The following CHCHD3 variants were observed in gnomAD, a reference collection of about 807,000 sequenced individuals.
The protein encoded by CHCHD3 is MICOS complex subunit MIC19.
A neutral mutation model predicts 38.2 loss-of-function variants in CHCHD3; 20 were observed. The ratio of observed to expected loss-of-function variants is 0.52; its 90% CI spans 0.37 to 0.76. CHCHD3 has a LOEUF of 0.76. Ranked by LOEUF, CHCHD3 falls within the 30% of genes least tolerant of loss-of-function variation. The pLI is 0.00. For missense variants in CHCHD3, 245 were observed against 279.2 expected (o/e 0.88, Z 0.87); for synonymous variants, 82 against 100.0 (o/e 0.82, Z 1.07).
chr7:132,978,984 A>AT (rs1484458729), intron 3 of CHCHD3, among the ~76,000 whole-genome samples: 1 of 152,174 alleles, frequency 6.6e-6, no homozygotes, highest in Non-Finnish European at 1.5e-5. Flanking sequence ...AAGAAACCAA[A>AT]TTTTTTGTCA....
intron 5 of CHCHD3, among the ~76,000 whole-genome samples, chr7:132,866,880 G>A (rs1474805998): frequency 1.3e-5 from 2 of 152,162 alleles, no homozygotes; most frequent in East Asian, 1.9e-4. Flanking sequence ...TTTAGGTAAC[G>A]AGTGTTCAAC....
At chr7:132,961,052 G>A (rs544255472) in intron 4 of CHCHD3, among the ~76,000 whole-genome samples, 1 of 152,224 alleles carries the variant, frequency 6.6e-6, no homozygotes, top group Admixed American at 6.5e-5. Context: ...GCCTAGAAAG[G>A]AGGCTCGATT....
At chr7:132,813,525 T>C (rs1324309820) in intron 6 of CHCHD3, 1 of 152,194 alleles carries the variant, frequency 6.6e-6, no homozygotes, top group East Asian at 1.9e-4. Context: ...TAAGATAACG[T>C]TTAAGCTCTC....
intron 5 of CHCHD3, among the ~76,000 whole-genome samples, chr7:132,840,626 T>A (rs146730751): frequency 0.01 from 1,573 of 152,232 alleles, 35 homozygotes; most frequent in African/African-American, 0.036. Context: ...AGAAATCAAA[T>A]AAGATAGGCA....
chr7:133,045,044 C>G (rs989822462), intron 2 of CHCHD3, among the ~76,000 whole-genome samples: 1 of 152,168 alleles, frequency 6.6e-6, no homozygotes, highest in Admixed American at 6.6e-5. Flanking sequence ...TAAAGCTTTT[C>G]CTGTCAACAG....
At chr7:132,814,880 T>C (rs1310908326) in intron 6 of CHCHD3, among the ~76,000 whole-genome samples, 1 of 152,176 alleles carries the variant, frequency 6.6e-6, no homozygotes, top group African/African-American at 2.4e-5. Context: ...ATTTAATCAA[T>C]GTCAACTGTC....
At chr7:132,843,418 G>C (rs1316320110) in intron 5 of CHCHD3, among the ~76,000 whole-genome samples, 1 of 152,096 alleles carries the variant, frequency 6.6e-6, no homozygotes, top group Non-Finnish European at 1.5e-5. Context: ...GAATAATATA[G>C]TATTTAGCTT....
intron 2 of CHCHD3, among the ~76,000 whole-genome samples, chr7:133,047,885 C>T (rs1282399291): frequency 5.3e-5 from 8 of 151,990 alleles, no homozygotes; most frequent in Non-Finnish European, 1.2e-4. Context: ...GTCGGGAGTT[C>T]GAGACCAGCC....
chr7:132,965,672 G>C (rs939426121), intron 4 of CHCHD3, among the ~76,000 whole-genome samples: 3 of 152,090 alleles, frequency 2.0e-5, no homozygotes, highest in Non-Finnish European at 4.4e-5. Flanking sequence ...GCATACACTG[G>C]GCTAAAGAAA....
intron 4 of CHCHD3, among the ~76,000 whole-genome samples, chr7:132,921,929 G>A (rs1212245255): frequency 6.6e-6 from 1 of 152,136 alleles, no homozygotes; most frequent in African/African-American, 2.4e-5. Context: ...CTATTCAGAG[G>A]AGGAAAGAAA....
At chr7:133,034,548 T>C in intron 2 of CHCHD3, 1 of 755,658 alleles carries the variant, frequency 1.3e-6, no homozygotes, top group Admixed American at 2.5e-5. Flanking sequence ...CAGTTTCCTT[T>C]AATGACCCCC....
intron 5 of CHCHD3, among the ~76,000 whole-genome samples, chr7:132,881,669 C>T (rs1485110753): frequency 1.3e-5 from 2 of 152,156 alleles, no homozygotes; most frequent in African/African-American, 4.8e-5. Flanking sequence ...AAACCACAGG[C>T]AACCTGGATT....
chr7:132,800,326 CA>C (rs930991429), intron 6 of CHCHD3, among the ~76,000 whole-genome samples: 2 of 152,132 alleles, frequency 1.3e-5, no homozygotes, highest in African/African-American at 4.8e-5. Flanking sequence ...ACAGTTTTAG[CA>C]AAAACAAAGC....
intron 4 of CHCHD3, among the ~76,000 whole-genome samples, chr7:132,946,866 CTTA>C (rs376275335): frequency 1.1e-4 from 16 of 151,762 alleles, no homozygotes; most frequent in African/African-American, 3.9e-4. Context: ...TATATTTATT[CTTA>C]TTGTTTCTTA....
At chr7:132,950,658 T>G (rs1205494437) in intron 4 of CHCHD3, among the ~76,000 whole-genome samples, 2 of 152,176 alleles carry the variant, frequency 1.3e-5, no homozygotes, top group Non-Finnish European at 1.5e-5. Flanking sequence ...AATTTGTTAT[T>G]TTTTAAAGAA....
At chr7:132,875,872 C>A (rs1808884254) in intron 5 of CHCHD3, among the ~76,000 whole-genome samples, 1 of 152,170 alleles carries the variant, frequency 6.6e-6, no homozygotes, top group African/African-American at 2.4e-5. Flanking sequence ...TGCAAACTTG[C>A]TTTATATGCC....
At chr7:132,907,588 G>A (rs1260583065) in intron 4 of CHCHD3, among the ~76,000 whole-genome samples, 5 of 152,140 alleles carry the variant, frequency 3.3e-5, no homozygotes. Context: ...ATTACAGTAA[G>A]AGGGCCAGAA....
chr7:133,052,959 A>T (rs1174220170), intron 2 of CHCHD3, among the ~76,000 whole-genome samples: 1 of 152,212 alleles, frequency 6.6e-6, no homozygotes, highest in Admixed American at 6.5e-5. Flanking sequence ...TTTCATCTGT[A>T]CTCATTCTTT....
At chr7:132,977,446 C>A (rs1047447793) in intron 3 of CHCHD3, among the ~76,000 whole-genome samples, 1 of 152,136 alleles carries the variant, frequency 6.6e-6, no homozygotes, top group Non-Finnish European at 1.5e-5. Context: ...ATGAAGTGCT[C>A]CCCATGAGAA....
Sources: gnomAD v4.1 joint callset for allele counts (sites outside exome capture counted in the v4.1 genomes callset) on GRCh38, gnomAD v4.1.1 for gene constraint, MANE v1.5 for transcripts, NCBI Gene and HGNC (gene_info 2026-07-23, HGNC 2026-07-21) for gene names.